MAGI2: variants seen among roughly 807,000 people sequenced by gnomAD.
The protein encoded by MAGI2 is membrane-associated guanylate kinase, WW and PDZ domain-containing protein 2.
Under a neutral mutation model 133.3 loss-of-function variants are expected in MAGI2, and 35 were observed. The observed-to-expected ratio is 0.26, with a 90% CI of 0.20 to 0.35. The LOEUF is 0.35. Among genes scored for constraint, MAGI2 ranks in the 10% least tolerant of loss-of-function variants. The probability of loss-of-function intolerance (pLI) is 1.00; values close to 1 mark genes in which losing one functional copy is unlikely to be tolerated. For synonymous variants in MAGI2, 729 were observed against 710.6 expected, an observed-to-expected ratio of 1.03 and a Z score of -0.41; for missense variants, 1,636 against 1,863.4, an observed-to-expected ratio of 0.88 and a Z score of 2.25.
intron 1 of MAGI2, among the ~76,000 whole-genome samples, chr7:79,198,718 C>T (rs1828315801): frequency 6.6e-6 from 1 of 151,616 alleles, no homozygotes; most frequent in Non-Finnish European, 1.5e-5. Context: ...GAAACCCTGT[C>T]TCTACTGAAA....
At chr7:78,488,498 C>T (rs749218123) in intron 6 of MAGI2, among the ~76,000 whole-genome samples, 8 of 151,726 alleles carry the variant, frequency 5.3e-5, no homozygotes, top group Admixed American at 2.0e-4. Flanking sequence ...ATCATAACTC[C>T]CAGTTAGAAC....
rs1402978980 is a variant in MAGI2 at position 78,185,677 on chromosome 7, G to T, written c.2270-7C>A. Reference sequence around the variant, plus strand: ...GTCCTGGGTGGCACTTGTTCTGGATGGGAAAATGGGGAATTAAAGTTGAAA... The same window carrying T: ...GTCCTGGGTGGCACTTGTTCTGGATTGGAAAATGGGGAATTAAAGTTGAAA... On this transcript the variant is annotated splice_region_variant and splice_polypyrimidine_tract_variant and intron_variant, in intron 12 of 21. Transcript: ENST00000354212. 1 of 1,559,190 alleles carries T rather than the reference G, an allele frequency of 6.4e-7. No homozygotes were observed. The highest frequency in any genetic ancestry group is 1.7e-4 in the Middle Eastern group (1 of 5,850).
intron 1 of MAGI2, among the ~76,000 whole-genome samples, chr7:79,366,813 G>A (rs1585722974): frequency 1.3e-5 from 2 of 152,016 alleles, no homozygotes; most frequent in Non-Finnish European, 2.9e-5. Flanking sequence ...TATTGAAACA[G>A]AATTTTTTCA....
At chr7:78,877,843 T>C (rs1315106746) in intron 2 of MAGI2, among the ~76,000 whole-genome samples, 1 of 152,252 alleles carries the variant, frequency 6.6e-6, no homozygotes, top group African/African-American at 2.4e-5. Flanking sequence ...TCAGAGATTA[T>C]CCTACATCAT....
chr7:78,528,770 C>T (rs1797193236), intron 3 of MAGI2, among the ~76,000 whole-genome samples: 1 of 152,058 alleles, frequency 6.6e-6, no homozygotes, highest in African/African-American at 2.4e-5. Flanking sequence ...CAGCTTGAAA[C>T]CAAGATGCAG....
At chr7:79,176,252 A>G (rs1826085276) in intron 1 of MAGI2, among the ~76,000 whole-genome samples, 2 of 151,876 alleles carry the variant, frequency 1.3e-5, no homozygotes, top group South Asian at 2.1e-4. Flanking sequence ...CCTTGCTTAC[A>G]GTCAGTCCCC....
At chr7:78,213,421 C>A (rs117444509) in intron 10 of MAGI2, among the ~76,000 whole-genome samples, 1 of 152,152 alleles carries the variant, frequency 6.6e-6, no homozygotes, top group Non-Finnish European at 1.5e-5. Context: ...TGACTCCCTA[C>A]GATCAATATT....
At chr7:79,111,950 A>G (rs1017382046) in intron 1 of MAGI2, among the ~76,000 whole-genome samples, 4 of 152,064 alleles carry the variant, frequency 2.6e-5, no homozygotes, top group Non-Finnish European at 5.9e-5. Flanking sequence ...TACAGGTGTG[A>G]GCCACTGCGC....
At chr7:79,104,030 G>T (rs1327025095) in intron 1 of MAGI2, among the ~76,000 whole-genome samples, 1 of 152,162 alleles carries the variant, frequency 6.6e-6, no homozygotes, top group East Asian at 1.9e-4. Flanking sequence ...GTGGCTACAT[G>T]GTTGTATTCA....
chr7:78,957,075 C>G (rs1160216436), intron 2 of MAGI2, among the ~76,000 whole-genome samples: 1 of 151,838 alleles, frequency 6.6e-6, no homozygotes, highest in Non-Finnish European at 1.5e-5. Context: ...ATCAGCCTGA[C>G]CAACAGGGTG....
intron 7 of MAGI2, chr7:78,350,082 A>T (rs1311271376): frequency 1.3e-5 from 2 of 152,364 alleles, no homozygotes; most frequent in East Asian, 3.8e-4. Flanking sequence ...TAAGAGTCAT[A>T]TTCTGAAGTG....
chr7:79,339,921 T>C (rs905645357), intron 1 of MAGI2, among the ~76,000 whole-genome samples: 1 of 152,150 alleles, frequency 6.6e-6, no homozygotes, highest in Non-Finnish European at 1.5e-5. Flanking sequence ...TGGTTGGCCA[T>C]TTAAAAGATG....
At chr7:79,007,328 T>A (rs1367815671) in intron 1 of MAGI2, 122 bp from the exon 2 acceptor site, 2 of 597,208 alleles carry the variant, frequency 3.3e-6, no homozygotes, top group Non-Finnish European at 2.9e-6. Flanking sequence ...AAGTGTTCTT[T>A]TGATCTTCTC....
chr7:79,203,755 C>A (rs1366818009), intron 1 of MAGI2, among the ~76,000 whole-genome samples: 2 of 152,010 alleles, frequency 1.3e-5, no homozygotes, highest in African/African-American at 4.8e-5. Flanking sequence ...CACCAACGCA[C>A]CAATGTAAAA....
chr7:78,847,613 T>C (rs991585848), intron 2 of MAGI2, among the ~76,000 whole-genome samples: 12 of 152,018 alleles, frequency 7.9e-5, no homozygotes, highest in Admixed American at 2.0e-4. Context: ...TTTTGCATAG[T>C]AGAGTTAAAA....
intron 2 of MAGI2, among the ~76,000 whole-genome samples, chr7:78,959,068 T>C (rs1489123411): frequency 6.6e-6 from 1 of 152,162 alleles, no homozygotes; most frequent in Admixed American, 6.6e-5. Flanking sequence ...TAAGATCTTT[T>C]CAATATGTCC....
At chr7:79,387,052 AATTT>A (rs751702976) in intron 1 of MAGI2, among the ~76,000 whole-genome samples, 11 of 150,980 alleles carry the variant, frequency 7.3e-5, no homozygotes, top group African/African-American at 2.7e-4. Flanking sequence ...GCCTCTTCAA[AATTT>A]ATTTACTTCA....
In MAGI2 at chr7:78,134,826, CT is replaced by C. The variant is rs1821938560; in HGVS notation, c.3031+194del. Reference sequence around the variant, plus strand: ...GCTTGACCTCTGAATGAAACAGGTACTGAGTAAACAAGATATGGATTGCAAC... The same window carrying C: ...GCTTGACCTCTGAATGAAACAGGTACGAGTAAACAAGATATGGATTGCAAC... On this transcript the variant is annotated intron_variant, in intron 17 of 21. Coordinates refer to ENST00000354212, the MANE Select transcript of MAGI2 (RefSeq NM_012301.4). The C allele has an allele frequency of 7.2e-6, 4 of 557,984 alleles. No homozygotes were observed. In the Admixed American group the frequency reaches 9.7e-5, roughly 14 times the overall value. 34.6% of individuals were successfully genotyped at this position (557,984 alleles called of 1,614,324 possible). A position where few individuals can be genotyped will look rare whatever the true frequency, so the allele number is the denominator to read the frequency against.
chr7:79,155,047 C>A (rs143059229), intron 1 of MAGI2, among the ~76,000 whole-genome samples: 125 of 152,220 alleles, frequency 8.2e-4, no homozygotes, highest in African/African-American at 2.7e-3. Context: ...CACAGTCTGT[C>A]TTCATTATTT....
Sources: allele counts gnomAD v4.1 joint callset (sites outside exome capture counted in the v4.1 genomes callset), GRCh38; gene constraint gnomAD v4.1.1; transcripts MANE v1.5; gene names NCBI Gene and HGNC (gene_info 2026-07-23, HGNC 2026-07-21).